The following ZNF827 variants were observed in gnomAD, a reference collection of about 807,000 sequenced individuals.
ZNF827 encodes zinc finger protein 827.
In ZNF827, 13 loss-of-function variants were observed where a neutral mutation model predicts 102.4. That is an observed-to-expected ratio of 0.13 (90% CI 0.08 to 0.20). The LOEUF is 0.20. ZNF827 is among the 10% of genes least tolerant of loss of function. The pLI, the probability that ZNF827 is intolerant of heterozygous loss-of-function variation, is 1.00. For missense variants in ZNF827, 1,103 were observed against 1,344.4 expected, an observed-to-expected ratio of 0.82 and a Z score of 2.81; for synonymous variants, 523 against 536.2, an observed-to-expected ratio of 0.98 and a Z score of 0.34.
At chr4:145,866,864 C>G (rs1015506054) in intron 5 of ZNF827, among the ~76,000 whole-genome samples, 6 of 152,212 alleles carry the variant, frequency 3.9e-5, no homozygotes, top group Non-Finnish European at 8.8e-5. Context: ...AGAGACAAAA[C>G]AGACAAAATT....
intron 1 of ZNF827, among the ~76,000 whole-genome samples, chr4:145,924,186 A>T (rs1437904790): frequency 5.2e-5 from 8 of 152,382 alleles, no homozygotes; most frequent in East Asian, 1.9e-4. Flanking sequence ...CATCTCAAAG[A>T]CAAGCAAAAC....
intron 2 of ZNF827, among the ~76,000 whole-genome samples, chr4:145,895,690 A>G (rs1750923806): frequency 6.6e-6 from 1 of 152,170 alleles, no homozygotes. Flanking sequence ...CAAGAAAGAA[A>G]TTTCATATTT....
Position 145,761,569 on chromosome 4 carries a change from C to T in ZNF827, c.*47G>A. The T allele has an allele frequency of 2.4e-6, 3 of 1,273,606 alleles. No homozygotes were observed. Among genetic ancestry groups the T allele is most frequent in the Non-Finnish European group, 3.1e-6 (3 of 977,654 alleles). 78.9% of individuals were successfully genotyped at this position (1,273,606 alleles called of 1,614,324 possible). On this transcript the variant is annotated 3_prime_UTR_variant, in exon 15 of 15. Transcript: ENST00000508784. The surrounding 1 kb of genome is among the most constrained non-coding windows in gnomAD (Gnocchi z 6.8). ...GAGGTGGCACTCCATGGCAGCGGGG[C>T]GGTTGGTGGAATAAATGCAGAATGG...
intron 5 of ZNF827, among the ~76,000 whole-genome samples, chr4:145,864,434 A>T (rs1748000256): frequency 6.7e-6 from 1 of 149,816 alleles, no homozygotes; most frequent in Non-Finnish European, 1.5e-5. Context: ...AAAAAAAAAA[A>T]AAAAAAAAAA....
Position 145,761,231 on chromosome 4 carries a change from G to C in ZNF827, c.*385C>G. On this transcript the variant is annotated 3_prime_UTR_variant, in exon 15 of 15. Transcript: ENST00000508784. The surrounding 1 kb of genome is among the most constrained non-coding windows in gnomAD (Gnocchi z 6.8). ...TTGACGTGGCGGCTGAAGACGAAAG[G>C]GTGTGTGGTCTTGAACAGGCACTCT... 1 of 1,289,878 alleles carries C rather than the reference G, an allele frequency of 7.8e-7. No individual in the cohort carries two copies. Among genetic ancestry groups the C allele is most frequent in the Non-Finnish European group, 1.0e-6 (1 of 988,886 alleles). The allele number at this position is 1,289,878 out of a possible 1,614,324, so 79.9% of individuals were successfully genotyped here. A position where few individuals can be genotyped will look rare whatever the true frequency, so the allele number is the denominator to read the frequency against.
At chr4:145,780,334 G>A (rs1249090868) in intron 8 of ZNF827, among the ~76,000 whole-genome samples, 2 of 152,184 alleles carry the variant, frequency 1.3e-5, no homozygotes, top group African/African-American at 2.4e-5. Flanking sequence ...ATTCCAGTTT[G>A]TGCAAAATCC....
intron 5 of ZNF827, among the ~76,000 whole-genome samples, chr4:145,850,905 C>G (rs189789826): frequency 2.0e-3 from 305 of 152,132 alleles, no homozygotes; most frequent in African/African-American, 6.7e-3. Context: ...AAAAAAAGGT[C>G]CTTGCAGATG....
At position 145,762,905 on chromosome 4, in the gene ZNF827, C is replaced by A. The variant is rs1003740842; in HGVS notation, c.*17+185G>T. Among the ~76,000 whole-genome samples the A allele has an allele frequency of 6.6e-6, 1 of 152,206 alleles. No homozygotes were observed. The highest frequency in any genetic ancestry group is 6.5e-5 in the Admixed American group (1 of 15,280). On this transcript the variant is annotated intron_variant, in intron 14 of 14. Transcript: ENST00000508784. The surrounding 1 kb of genome is among the most constrained non-coding windows in gnomAD (Gnocchi z 4.9). Reference sequence around the variant, plus strand: ...GCAGGGCTCAGGAGTGGACTGTCCTCGGAGGGTCTGGAGAGGTGTTCAGCA... The same window carrying A: ...GCAGGGCTCAGGAGTGGACTGTCCTAGGAGGGTCTGGAGAGGTGTTCAGCA...
chr4:145,917,103 G>A (rs1345593590), intron 1 of ZNF827, among the ~76,000 whole-genome samples: 1 of 152,148 alleles, frequency 6.6e-6, no homozygotes, highest in Non-Finnish European at 1.5e-5. Context: ...TTAATGCTCT[G>A]TTTATAACAA....
chr4:145,931,131 G>A (rs1250735750), intron 1 of ZNF827, among the ~76,000 whole-genome samples: 1 of 152,166 alleles, frequency 6.6e-6, no homozygotes, highest in Non-Finnish European at 1.5e-5. Context: ...CTCCCAAACA[G>A]AAGGGAGAAA....
rs146830959 is a variant in ZNF827 at position 145,818,376 on chromosome 4, T to C, written c.2383+5046A>G. The stretch of plus-strand genomic sequence containing the variant: ...ACACCTCCAGGTAGTAATTTGTAAA[T>C]TGTGGATAATTCCTATGTCTCAATG... On this transcript the variant is annotated intron_variant, in intron 8 of 14. Transcript: ENST00000508784. 4.2e-4 allele frequency among the ~76,000 whole-genome samples: 64 copies of C among 152,348 alleles called. No individual in the cohort carries two copies. In the East Asian group the frequency reaches 8.3e-3, roughly 20 times the overall value.
At chr4:145,907,001 T>C (rs1010002757) in intron 1 of ZNF827, 2 of 450,994 alleles carry the variant, frequency 4.4e-6, no homozygotes, top group African/African-American at 2.0e-5. Context: ...ATGCATGGCA[T>C]AGAAAGAGAA....
At chr4:145,766,703 C>T (rs1735356378) in intron 11 of ZNF827, among the ~76,000 whole-genome samples, 1 of 152,074 alleles carries the variant, frequency 6.6e-6, no homozygotes, top group Non-Finnish European at 1.5e-5. Flanking sequence ...AAGAGACTAC[C>T]CATAGTTGGA....
In ZNF827 at chr4:145,761,686, A is replaced by G. The variant is rs1343545755; in HGVS notation, c.*18-88T>C. 2.4e-6 allele frequency: 2 copies of G among 823,946 alleles called. No individual in the cohort carries two copies. Among genetic ancestry groups the G allele is most frequent in the Non-Finnish European group, 3.4e-6 (2 of 596,194 alleles). 51.0% of individuals were successfully genotyped at this position (823,946 alleles called of 1,614,324 possible). ...CGCCGCCTCACCAGCCTTCCCTCAC[A>G]CCACCCCCCAGTGTCTGAGGCCTGG... is the stretch of plus-strand genomic sequence containing the variant. On this transcript the variant is annotated intron_variant, in intron 14 of 14. Transcript: ENST00000508784. This position sits in a 1 kb window ranked among gnomAD's most constrained non-coding sequence, Gnocchi z 6.8.
At chr4:145,878,750 C>CGGAA (rs996501573) in intron 4 of ZNF827, among the ~76,000 whole-genome samples, 80 of 95,912 alleles carry the variant, frequency 8.3e-4, no homozygotes, top group African/African-American at 2.9e-3. Flanking sequence ...GGAGGAAGGG[C>CGGAA]GGAAGGAAGG....
chr4:145,800,126 T>A (rs1371742960), intron 8 of ZNF827, among the ~76,000 whole-genome samples: 1 of 152,222 alleles, frequency 6.6e-6, no homozygotes, highest in African/African-American at 2.4e-5. Flanking sequence ...GTTCTCTTTC[T>A]TGAGATTTCA....
chr4:145,870,322 G>C lies in ZNF827; in HGVS notation c.1904C>G (p.Pro635Arg), dbSNP rs750969979. Residue 635 changes from proline (P) to arginine (R), a missense_variant, in exon 5 of 15, where the codon CCC (proline) becomes CGC (arginine). Coordinates refer to ENST00000508784, the MANE Select transcript of ZNF827 (RefSeq NM_001306215.2). ...APGVSEDALK[P>R]QEGKGSVLRR... is the part of the protein sequence containing the mutation. Reference sequence around the variant, plus strand: ...TAGCACACTTCCCTTCCCTTCCTGGGGCTTTAGTGCGTCCTCAGAGACGCC... The same window carrying C: ...TAGCACACTTCCCTTCCCTTCCTGGCGCTTTAGTGCGTCCTCAGAGACGCC... The C allele has an allele frequency of 1.2e-6, 2 of 1,613,966 alleles. No homozygotes were observed. Among genetic ancestry groups the C allele is most frequent in the African/African-American group, 1.3e-5 (1 of 74,892 alleles).
At chr4:145,916,033 G>C (rs867986661) in intron 1 of ZNF827, among the ~76,000 whole-genome samples, 2 of 152,220 alleles carry the variant, frequency 1.3e-5, no homozygotes, top group African/African-American at 4.8e-5. Flanking sequence ...ACACTGGGGT[G>C]GGGGTTGGGC....
Position 145,805,091 on chromosome 4 carries a change from C to T in ZNF827, c.2383+18331G>A, listed in dbSNP as rs936305394. Reference sequence around the variant, plus strand: ...TTGGAGAATTCATAGTTCCCTGACACGTCTCTTTATAAATAATGCCGGAGC... The same window carrying T: ...TTGGAGAATTCATAGTTCCCTGACATGTCTCTTTATAAATAATGCCGGAGC... On this transcript the variant is annotated intron_variant, in intron 8 of 14. Coordinates refer to ENST00000508784, the MANE Select transcript of ZNF827 (RefSeq NM_001306215.2). Among the ~76,000 whole-genome samples, 5 of 151,224 alleles carry T rather than the reference C, an allele frequency of 3.3e-5. No homozygotes were observed. In the South Asian group the frequency reaches 8.4e-4, roughly 25 times the overall value.
Sources: gnomAD v4.1 joint callset for allele counts (sites outside exome capture counted in the v4.1 genomes callset) on GRCh38, gnomAD v4.1.1 for gene constraint, Gnocchi (gnomAD v3.1) non-coding constraint, MANE v1.5 for transcripts, NCBI Gene and HGNC (gene_info 2026-07-23, HGNC 2026-07-21) for gene names.